CLSPN: variants seen among roughly 807,000 people sequenced by gnomAD.
CLSPN encodes the protein claspin.
CLSPN carries 85 observed loss-of-function variants against 156.3 expected under a neutral mutation model. The ratio of observed to expected loss-of-function variants is 0.54; its 90% CI spans 0.46 to 0.65. The LOEUF is 0.65. Ranked by LOEUF, CLSPN falls within the 30% of genes least tolerant of loss-of-function variation. The pLI is 0.00. For synonymous variants in CLSPN, 534 were observed against 542.4 expected, an observed-to-expected ratio of 0.98 and a Z score of 0.22; for missense variants, 1,407 against 1,554.9, an observed-to-expected ratio of 0.90 and a Z score of 1.60.
At position 35,766,454 on chromosome 1, in the gene CLSPN, T is replaced by C. The variant is rs551372600; in HGVS notation, c.25-1128A>G. 1.1e-4 allele frequency among the ~76,000 whole-genome samples: 16 copies of C among 152,020 alleles called. No homozygotes were observed. The East Asian group carries it at 2.9e-3, about 28-fold the overall frequency. ...TTCTATATGCTATGTGTATATTTCT[T>C]TTTTTTTGAGATGGAGTTTTGCCGT... On this transcript the variant is annotated intron_variant, in intron 1 of 24. Coordinates refer to ENST00000318121, the MANE Select transcript of CLSPN (RefSeq NM_022111.4).
At chr1:35,739,111 C>T in intron 20 of CLSPN, 25 bp downstream of exon 20, 2 of 1,613,910 alleles carry the variant, frequency 1.2e-6, no homozygotes, top group Middle Eastern at 1.6e-4. Flanking sequence ...TAACTGATTG[C>T]TTTTAAAGAC....
Position 35,739,436 on chromosome 1 carries a change from A to G in CLSPN, c.3237T>C (p.Tyr1079=), listed in dbSNP as rs749752506. 1.8e-5 allele frequency: 29 copies of G among 1,613,950 alleles called. No homozygotes were observed. The highest frequency in any genetic ancestry group is 4.5e-5 in the East Asian group (2 of 44,890). ...DEYDGEEIDE[Y]EEDVIDEVLP... is the part of the protein sequence containing the mutation. ...GTACTTCATCAATTACGTCCTCTTC[A>G]TATTCATCAATTTCTTCCCCATCAT... Residue 1079 remains tyrosine, a synonymous_variant, in exon 19 of 25, where the codon TAT becomes TAC. Coordinates refer to ENST00000318121, the MANE Select transcript of CLSPN (RefSeq NM_022111.4).
intron 24 of CLSPN, among the ~76,000 whole-genome samples, chr1:35,724,917 A>G (rs1280881872): frequency 6.6e-6 from 1 of 152,136 alleles, no homozygotes; most frequent in Non-Finnish European, 1.5e-5. Context: ...AGAAATTACT[A>G]TGTGTTTACC....
intron 24 of CLSPN, among the ~76,000 whole-genome samples, chr1:35,722,135 T>C (rs1641086806): frequency 2.0e-5 from 3 of 149,194 alleles, no homozygotes; most frequent in African/African-American, 7.4e-5. Context: ...TAAGACCCTG[T>C]CTCAAAAAAA....
rs879289482 is a variant in CLSPN at position 35,735,705 on chromosome 1, C to CA, written c.*790dup. On this transcript the variant is annotated 3_prime_UTR_variant, in exon 25 of 25. Coordinates refer to ENST00000318121, the MANE Select transcript of CLSPN (RefSeq NM_022111.4). ...ACTGGGCAACAAAGTGAGACTATCT[C>CA]AAAAAAAAAAAAAGAAATCTTTCTT... 58,363 of 629,304 alleles carry CA rather than the reference C, an allele frequency of 0.093. 2 individuals carry two copies. Among genetic ancestry groups the CA allele is most frequent in the Non-Finnish European group, 0.1 (52,321 of 515,996 alleles). The allele number at this position is 629,304 out of a possible 1,614,324, so 39.0% of individuals were successfully genotyped here. A position where few individuals can be genotyped will look rare whatever the true frequency, so the allele number is the denominator to read the frequency against.
chr1:35,768,054 T>A (rs1406672329), intron 1 of CLSPN, among the ~76,000 whole-genome samples: 1 of 152,148 alleles, frequency 6.6e-6, no homozygotes. Context: ...GCACAAGGCC[T>A]CAGCTGAGTG....
chr1:35,769,729 C>T, intron 1 of CLSPN, 118 bp downstream of exon 1: 1 of 979,108 alleles, frequency 1.0e-6, no homozygotes, highest in Non-Finnish European at 1.4e-6. Flanking sequence ...CGGCGAACGC[C>T]GGGAGCCGCA....
At position 35,732,144 on chromosome 1, in the gene CLSPN, G is replaced by T. The variant is rs1641331811; in HGVS notation, c.*4352C>A. 1.0e-6 allele frequency: 1 copy of T among 984,002 alleles called. No individual in the cohort carries two copies. The highest frequency in any genetic ancestry group is 1.2e-6 in the Non-Finnish European group (1 of 828,808). The allele number at this position is 984,002 out of a possible 1,614,324, so 61.0% of individuals were successfully genotyped here. On this transcript the variant is annotated 3_prime_UTR_variant, in exon 25 of 25. Transcript: ENST00000318121. ...TGTAGTGTTATTTATTCAAACTGTG[G>T]TAGGCACCACTACATTCCAAGCTGT...
At chr1:35,728,909 A>C (rs180872027), downstream of CLSPN, among the ~76,000 whole-genome samples, 858 of 135,062 alleles carry the variant, frequency 6.4e-3, 5 homozygotes, top group Non-Finnish European at 8.6e-3. Flanking sequence ...ACTCAACCTC[A>C]CCCTCCCCTC....
At chr1:35,737,193 A>G in intron 23 of CLSPN, 118 bp from the exon 24 acceptor site, 1 of 1,250,498 alleles carries the variant, frequency 8.0e-7, no homozygotes, top group Middle Eastern at 1.9e-4. Context: ...CTATTCAAAT[A>G]GAAAAGAAAT....
intron 10 of CLSPN, among the ~76,000 whole-genome samples, chr1:35,750,046 A>G (rs1323351448): frequency 6.6e-6 from 1 of 152,110 alleles, no homozygotes; most frequent in Non-Finnish European, 1.5e-5. Flanking sequence ...TAAGATTATA[A>G]AGGACGACTG....
chr1:35,758,410 T>C (rs965090948), intron 8 of CLSPN, among the ~76,000 whole-genome samples: 1 of 152,102 alleles, frequency 6.6e-6, no homozygotes, highest in African/African-American at 2.4e-5. Context: ...TTTGGGAGGC[T>C]GAGGCAGGCA....
chr1:35,751,141 CT>C, intron 10 of CLSPN, 108 bp downstream of exon 10: 1 of 1,441,304 alleles, frequency 6.9e-7, no homozygotes, highest in Non-Finnish European at 9.3e-7. Flanking sequence ...CATCATGCCC[CT>C]AAAACCTCTT....
In CLSPN at chr1:35,768,579, A is replaced by ATT. The variant is rs11461895; in HGVS notation, c.24+1266_24+1267dup. ...TGGGACCACAGGCGACGCCCGGCTA[A>ATT]TTTTTTTTTTTTTGTAGAGGCGGGG... is the stretch of plus-strand genomic sequence containing the variant. On this transcript the variant is annotated intron_variant, in intron 1 of 24. Coordinates refer to ENST00000318121, the MANE Select transcript of CLSPN (RefSeq NM_022111.4). 9.7e-4 allele frequency among the ~76,000 whole-genome samples: 141 copies of ATT among 145,136 alleles called. 1 individual carries two copies. The Middle Eastern group carries it at 0.018, about 19-fold the overall frequency.
chr1:35,732,847 C>A lies in CLSPN; in HGVS notation c.*3649G>T. Reference sequence around the variant, plus strand: ...GTCAATCCTGTTACCAAGATCAAGGCTTAGCTTACTTTATAGCAGCCATCC... The same window carrying A: ...GTCAATCCTGTTACCAAGATCAAGGATTAGCTTACTTTATAGCAGCCATCC... On this transcript the variant is annotated 3_prime_UTR_variant, in exon 25 of 25. Transcript: ENST00000318121. 1 of 985,442 alleles carries A rather than the reference C, an allele frequency of 1.0e-6. No homozygotes were observed. Among genetic ancestry groups the A allele is most frequent in the Non-Finnish European group, 1.2e-6 (1 of 829,946 alleles). 61.0% of individuals were successfully genotyped at this position (985,442 alleles called of 1,614,324 possible).
chr1:35,724,469 G>C (rs1045833514), intron 24 of CLSPN, among the ~76,000 whole-genome samples: 1 of 152,118 alleles, frequency 6.6e-6, no homozygotes, highest in Non-Finnish European at 1.5e-5. Context: ...CTCCATCCTG[G>C]GGACAGCAGG....
chr1:35,763,109 C>T (rs1403044234), intron 4 of CLSPN, 51 bp downstream of exon 4: 2 of 1,355,188 alleles, frequency 1.5e-6, no homozygotes, highest in Admixed American at 2.9e-5. Context: ...AAAAATATAG[C>T]AAAGGTCAGA....
At position 35,732,449 on chromosome 1, in the gene CLSPN, A is replaced by T. The variant is rs1044924751; in HGVS notation, c.*4047T>A. The stretch of plus-strand genomic sequence containing the variant: ...GTTGAGAAAATGAGGGATGCCACAG[A>T]GATCTGAGTACCTTGTCTCTAGAGC... On this transcript the variant is annotated 3_prime_UTR_variant, in exon 25 of 25. Transcript: ENST00000318121. The T allele has an allele frequency of 9.1e-6, 9 of 985,326 alleles. No individual in the cohort carries two copies. In the African/African-American group the frequency reaches 1.6e-4, roughly 17 times the overall value. 61.0% of individuals were successfully genotyped at this position (985,326 alleles called of 1,614,324 possible).
rs781462619 is a variant in CLSPN, at chr1:35,743,506, TTCC to T, written c.2988_2990del (p.Glu997del). 101 of 1,613,678 alleles carry T rather than the reference TTCC, an allele frequency of 6.3e-5. No homozygotes were observed. The highest frequency in any genetic ancestry group is 2.7e-4 in the East Asian group (12 of 44,868). ...TTGAAACAAGCCGAAAGTCTCCAAA[TTCC>T]TCCTCCTCGTCTTCCTCTTCCCTAA... On this transcript the variant is annotated inframe_deletion, in exon 17 of 25. Coordinates refer to ENST00000318121, the MANE Select transcript of CLSPN (RefSeq NM_022111.4).
Sources: gnomAD v4.1 joint callset for allele counts (sites outside exome capture counted in the v4.1 genomes callset) on GRCh38, gnomAD v4.1.1 for gene constraint, MANE v1.5 for transcripts, NCBI Gene and HGNC (gene_info 2026-07-23, HGNC 2026-07-21) for gene names.